Variants in ATF6 observed in about 807,000 individuals in gnomAD.
ATF6 encodes the protein activating transcription factor 6, also known as cyclic AMP-dependent transcription factor ATF-6 alpha.
Under a neutral mutation model 83.6 loss-of-function variants are expected in ATF6, and 53 were observed. The ratio of observed to expected loss-of-function variants is 0.63; its 90% CI spans 0.51 to 0.80. The LOEUF (loss-of-function observed/expected upper bound fraction) is 0.80, where lower values mean the gene tolerates loss of function less well. ATF6 is among the 30% of genes least tolerant of loss of function. The pLI, the probability that ATF6 is intolerant of heterozygous loss-of-function variation, is 0.00. For missense variants in ATF6, 744 were observed against 797.9 expected (o/e 0.93, Z 0.81); for synonymous variants, 288 against 285.8 (o/e 1.01, Z -0.08).
intron 7 of ATF6, among the ~76,000 whole-genome samples, chr1:161,811,701 C>T (rs529879703): frequency 7.9e-5 from 12 of 151,820 alleles, no homozygotes; most frequent in African/African-American, 2.4e-4. Context: ...ATCCATCCAT[C>T]CATCCATCCA....
chr1:161,914,641 CT>C (rs773714218), intron 15 of ATF6, among the ~76,000 whole-genome samples: 6 of 152,276 alleles, frequency 3.9e-5, no homozygotes, highest in Admixed American at 6.5e-5. Context: ...CTGACTGTTA[CT>C]TACTCTCTTA....
intron 15 of ATF6, among the ~76,000 whole-genome samples, chr1:161,925,289 T>C (rs1558027981): frequency 6.6e-6 from 1 of 152,240 alleles, no homozygotes; most frequent in South Asian, 2.1e-4. Flanking sequence ...GTATTTCTAT[T>C]GGTGAAACCA....
intron 1 of ATF6, among the ~76,000 whole-genome samples, chr1:161,770,015 C>T (rs1367115424): frequency 6.6e-6 from 1 of 152,098 alleles, no homozygotes; most frequent in African/African-American, 2.4e-5. Flanking sequence ...TCCATAATTA[C>T]AGTATTATAT....
intron 15 of ATF6, among the ~76,000 whole-genome samples, chr1:161,923,676 T>G (rs1270357971): frequency 6.6e-6 from 1 of 152,232 alleles, no homozygotes; most frequent in Non-Finnish European, 1.5e-5. Flanking sequence ...TCATTGTATT[T>G]GATTTACTAA....
chr1:161,782,056 T>C, intron 3 of ATF6, 57 bp downstream of exon 3: 1 of 1,277,070 alleles, frequency 7.8e-7, no homozygotes, highest in Non-Finnish European at 1.1e-6. Flanking sequence ...TTTTGTAGTT[T>C]GGTCATACTC....
At chr1:161,900,026 A>G (rs1687750367) in intron 14 of ATF6, among the ~76,000 whole-genome samples, 1 of 152,206 alleles carries the variant, frequency 6.6e-6, no homozygotes, top group African/African-American at 2.4e-5. Context: ...GTTTCCTCCC[A>G]CATCCTTATA....
chr1:161,784,946 T>C (rs995801752), intron 4 of ATF6, among the ~76,000 whole-genome samples: 2 of 152,212 alleles, frequency 1.3e-5, no homozygotes, highest in Non-Finnish European at 2.9e-5. Context: ...ACTGTATCAG[T>C]CATTTGCTTA....
At chr1:161,826,214 TA>T (rs1431671218) in intron 9 of ATF6, among the ~76,000 whole-genome samples, 2 of 152,152 alleles carry the variant, frequency 1.3e-5, no homozygotes, top group African/African-American at 4.8e-5. Flanking sequence ...ACAGTGGGGT[TA>T]GGGGGGACAT....
At chr1:161,914,458 C>T (rs1472206815) in intron 15 of ATF6, among the ~76,000 whole-genome samples, 1 of 152,228 alleles carries the variant, frequency 6.6e-6, no homozygotes, top group Non-Finnish European at 1.5e-5. Flanking sequence ...TGTCATCCTG[C>T]TGTCTAACTT....
chr1:161,894,670 G>A (rs1432714951), intron 14 of ATF6, among the ~76,000 whole-genome samples: 3 of 147,838 alleles, frequency 2.0e-5, no homozygotes, highest in African/African-American at 7.4e-5. Context: ...CGAGTAGCTG[G>A]GATTACAGGC....
intron 15 of ATF6, among the ~76,000 whole-genome samples, chr1:161,946,964 GCTTCTTAC>G (rs1688759799): frequency 6.6e-6 from 1 of 152,028 alleles, no homozygotes; most frequent in South Asian, 2.1e-4. Context: ...ATACCATTTG[GCTTCTTAC>G]CTACAGAGCT....
At chr1:161,954,514 A>C (rs61641103) in intron 15 of ATF6, among the ~76,000 whole-genome samples, 2,476 of 152,320 alleles carry the variant, frequency 0.016, 70 homozygotes, top group African/African-American at 0.057. Context: ...TCACTTTTTA[A>C]TATTAAACTT....
At chr1:161,908,063 TATACTA>T (rs1462316239) in intron 14 of ATF6, among the ~76,000 whole-genome samples, 24 of 152,312 alleles carry the variant, frequency 1.6e-4, no homozygotes, top group Non-Finnish European at 3.2e-4. Context: ...ATTACACAAT[TATACTA>T]ATACAATTAA....
intron 14 of ATF6, among the ~76,000 whole-genome samples, chr1:161,911,667 C>G (rs1687995212): frequency 6.6e-6 from 1 of 152,214 alleles, no homozygotes; most frequent in Non-Finnish European, 1.5e-5. Context: ...TTCTGTGGTC[C>G]CTTCAAAGGG....
chr1:161,915,417 T>G (rs1020555379), intron 15 of ATF6, among the ~76,000 whole-genome samples: 11 of 152,194 alleles, frequency 7.2e-5, no homozygotes, highest in Non-Finnish European at 1.3e-4. Context: ...CTGACTATTT[T>G]GGGGTTAGCT....
chr1:161,958,707 G>A lies in ATF6; in HGVS notation c.*53G>A. 6.8e-7 allele frequency: 1 copy of A among 1,465,184 alleles called. No individual in the cohort carries two copies. The highest frequency in any genetic ancestry group is 9.2e-7 in the Non-Finnish European group (1 of 1,086,238). The allele number at this position is 1,465,184 out of a possible 1,614,324, so 90.8% of individuals were successfully genotyped here. ...GCGTGGGACCCTGCCAGACTGAAGA[G>A]CAGGTGAGCAAAATGCTGCTTTCTG... On this transcript the variant is annotated 3_prime_UTR_variant, in exon 16 of 16. Transcript: ENST00000367942.
intron 14 of ATF6, among the ~76,000 whole-genome samples, chr1:161,893,678 C>G (rs530053003): frequency 6.6e-6 from 1 of 152,272 alleles, no homozygotes; most frequent in African/African-American, 2.4e-5. Context: ...CTATCTGATT[C>G]AGAAAAGTGC....
intron 9 of ATF6, among the ~76,000 whole-genome samples, chr1:161,845,634 A>T (rs1041368673): frequency 6.6e-6 from 1 of 151,814 alleles, no homozygotes; most frequent in African/African-American, 2.4e-5. Context: ...AATTAGCCAG[A>T]TGTGGTGGCA....
At chr1:161,921,804 A>G (rs1427957585) in intron 15 of ATF6, among the ~76,000 whole-genome samples, 1 of 152,128 alleles carries the variant, frequency 6.6e-6, no homozygotes, top group Non-Finnish European at 1.5e-5. Flanking sequence ...TTTTTGTTAG[A>G]TACTACCAGC....
Sources: gnomAD v4.1 joint callset for allele counts (sites outside exome capture counted in the v4.1 genomes callset) on GRCh38, gnomAD v4.1.1 for gene constraint, MANE v1.5 for transcripts, NCBI Gene and HGNC (gene_info 2026-07-23, HGNC 2026-07-21) for gene names.